The following DEAF1 variants were observed in gnomAD, a reference collection of about 807,000 sequenced individuals.
The protein encoded by DEAF1 is deformed epidermal autoregulatory factor 1 homolog.
A neutral mutation model predicts 58.9 loss-of-function variants in DEAF1; 53 were observed. The observed-to-expected ratio is 0.90, with a 90% CI of 0.72 to 1.13. DEAF1 has a LOEUF of 1.13. Among genes scored for constraint, DEAF1 ranks in the 50% most tolerant of loss-of-function variants. DEAF1 has a pLI of 0.00. For synonymous variants in DEAF1, 385 were observed against 340.4 expected, an observed-to-expected ratio of 1.13 and a Z score of -1.44; for missense variants, 685 against 791.4, an observed-to-expected ratio of 0.87 and a Z score of 1.61.
intron 9 of DEAF1, among the ~76,000 whole-genome samples, chr11:675,498 C>T (rs540931562): frequency 5.3e-5 from 8 of 152,228 alleles, no homozygotes; most frequent in South Asian, 2.1e-4. Context: ...CACCGTCCTT[C>T]GGCCTTGGTG....
Position 654,612 on chromosome 11 carries a change from T to C in DEAF1, c.1504-561A>G, listed in dbSNP as rs1244203602. On this transcript the variant is annotated intron_variant, in intron 10 of 11. Coordinates refer to ENST00000382409, the MANE Select transcript of DEAF1 (RefSeq NM_021008.4). Reference sequence around the variant, plus strand: ...AGTATGGGCCGGGAGCAGCGGCTCATACCTGTAATCCCAGGACTTTGGGCA... The same window carrying C: ...AGTATGGGCCGGGAGCAGCGGCTCACACCTGTAATCCCAGGACTTTGGGCA... 15 of 455,124 alleles carry C rather than the reference T, an allele frequency of 3.3e-5. No individual in the cohort carries two copies. In the East Asian group the frequency reaches 8.3e-4, roughly 25 times the overall value. 28.2% of individuals were successfully genotyped at this position (455,124 alleles called of 1,614,324 possible).
intron 1 of DEAF1, 185 bp downstream of exon 1, chr11:694,570 GGGGC>G (rs1237832267): frequency 6.9e-6 from 3 of 436,066 alleles, no homozygotes; most frequent in East Asian, 7.9e-5. Context: ...CAGGGCGGGT[GGGGC>G]GGGCGGGTCA....
intron 10 of DEAF1, among the ~76,000 whole-genome samples, chr11:670,825 T>C (rs1355461765): frequency 4.9e-5 from 7 of 142,742 alleles, no homozygotes. Flanking sequence ...TTGCCCAGGC[T>C]GGAGTACAGT....
chr11:703,539 A>G, intron 1 of DEAF1: 2 of 1,234,062 alleles, frequency 1.6e-6, no homozygotes, highest in Non-Finnish European at 2.0e-6. Flanking sequence ...TGCATCCCCC[A>G]TCACCCCCTA....
upstream of DEAF1, chr11:699,679 C>T (rs750554486): frequency 1.4e-4 from 22 of 154,940 alleles, no homozygotes; most frequent in Non-Finnish European, 2.9e-4. Context: ...ACCCAGGAGG[C>T]GGAGGTTGCA....
At chr11:673,707 C>G (rs1177827101) in intron 10 of DEAF1, among the ~76,000 whole-genome samples, 2 of 152,256 alleles carry the variant, frequency 1.3e-5, no homozygotes, top group Non-Finnish European at 2.9e-5. Context: ...TCAGAGCTCC[C>G]CATCTGTGCT....
At chr11:672,335 T>C (rs989567290) in intron 10 of DEAF1, among the ~76,000 whole-genome samples, 1 of 152,042 alleles carries the variant, frequency 6.6e-6, no homozygotes, top group African/African-American at 2.4e-5. Flanking sequence ...CACCGTTCAT[T>C]ATGTGCTTGT....
At chr11:653,035 G>C (rs913738635) in intron 11 of DEAF1, among the ~76,000 whole-genome samples, 2 of 119,570 alleles carry the variant, frequency 1.7e-5, no homozygotes, top group African/African-American at 6.6e-5. Context: ...AGCGAGCCAA[G>C]ATCGCACCAC....
chr11:656,388 C>T (rs901491562), intron 10 of DEAF1, among the ~76,000 whole-genome samples: 4 of 152,182 alleles, frequency 2.6e-5, no homozygotes, highest in Non-Finnish European at 2.9e-5. Context: ...AAACTCCTGA[C>T]CTCAGGTGAT....
intron 6 of DEAF1, among the ~76,000 whole-genome samples, chr11:683,925 G>A (rs371170230): frequency 3.3e-5 from 5 of 152,132 alleles, no homozygotes; most frequent in African/African-American, 9.7e-5. Context: ...CAATGGGACC[G>A]ACGTCTCCTC....
intron 4 of DEAF1, among the ~76,000 whole-genome samples, chr11:687,422 C>T (rs969215042): frequency 1.3e-5 from 2 of 152,252 alleles, no homozygotes; most frequent in Non-Finnish European, 2.9e-5. Flanking sequence ...AGCCCTGTCC[C>T]GTGCCTCTCC....
At chr11:659,951 G>T (rs1410337488) in intron 10 of DEAF1, among the ~76,000 whole-genome samples, 1 of 152,192 alleles carries the variant, frequency 6.6e-6, no homozygotes, top group Non-Finnish European at 1.5e-5. Flanking sequence ...CCCCAACACA[G>T]GGCAGGTGGG....
chr11:703,098 A>T, intron 1 of DEAF1: 1 of 1,611,532 alleles, frequency 6.2e-7, no homozygotes, highest in South Asian at 1.1e-5. Flanking sequence ...CTGGCCCTTC[A>T]CGGCCTGGAG....
chr11:695,589 C>T (rs1861091923), upstream of DEAF1: 1 of 1,241,142 alleles, frequency 8.1e-7, no homozygotes. Context: ...CCGAGACGAG[C>T]CGAATGTCCC....
At chr11:691,742 A>C in intron 1 of DEAF1, 144 bp from the exon 2 acceptor site, 1 of 716,144 alleles carries the variant, frequency 1.4e-6, no homozygotes. Context: ...TTCCATGAAC[A>C]CGCTCGACCT....
intron 9 of DEAF1, among the ~76,000 whole-genome samples, chr11:677,726 AGGTG>A (rs1564942424): frequency 9.7e-6 from 1 of 103,436 alleles, no homozygotes; most frequent in Non-Finnish European, 2.3e-5. Flanking sequence ...AGGCCAAGGC[AGGTG>A]GATCATGAGG....
In DEAF1 at chr11:687,924, G is replaced by A. The variant is rs1860668805; in HGVS notation, c.651C>T (p.Asn217=). 1 of 1,614,138 alleles carries A rather than the reference G, an allele frequency of 6.2e-7. No individual in the cohort carries two copies. The highest frequency in any genetic ancestry group is 8.5e-7 in the Non-Finnish European group (1 of 1,180,034). Residue 217 remains asparagine (N), a synonymous_variant, in exon 4 of 12, where the codon AAC becomes AAT. Coordinates refer to ENST00000382409, the MANE Select transcript of DEAF1 (RefSeq NM_021008.4). ...CRNISGTLYK[N]RLGSGGRGRC... is the part of the protein sequence containing the mutation. ...GGCAGTCCTCACCTGAGCCGAGCCT[G>A]TTCTTGTACAGAGTGCCGCTGATGT...
In DEAF1 at chr11:678,681, C is replaced by A; in HGVS notation, c.1255+13G>T. ...ACAATAACCTGTACATGTGTGAATTCTTTCAAACCTACCTATTTTGGGATG... is the reference window on the plus strand; with the variant it reads ...ACAATAACCTGTACATGTGTGAATTATTTCAAACCTACCTATTTTGGGATG... On this transcript the variant is annotated intron_variant, in intron 9 of 11. Coordinates refer to ENST00000382409, the MANE Select transcript of DEAF1 (RefSeq NM_021008.4). 1 of 1,613,884 alleles carries A rather than the reference C, an allele frequency of 6.2e-7. No individual in the cohort carries two copies. Among genetic ancestry groups the A allele is most frequent in the Non-Finnish European group, 8.5e-7 (1 of 1,179,886 alleles).
intron 9 of DEAF1, among the ~76,000 whole-genome samples, chr11:676,108 C>A (rs1308501748): frequency 2.4e-5 from 1 of 41,854 alleles, no homozygotes; most frequent in African/African-American, 1.1e-4. Flanking sequence ...TGACACCCCC[C>A]AGCATCTGAC....
Sources: allele counts gnomAD v4.1 joint callset (sites outside exome capture counted in the v4.1 genomes callset), GRCh38; gene constraint gnomAD v4.1.1; transcripts MANE v1.5; gene names NCBI Gene and HGNC (gene_info 2026-07-23, HGNC 2026-07-21).